The following CAST variants were observed in gnomAD, a reference collection of about 807,000 sequenced individuals.
CAST encodes the protein calpastatin, also known as MIR583 host.
CAST carries 76 observed loss-of-function variants against 119.6 expected under a neutral mutation model. That is an observed-to-expected ratio of 0.64 (90% CI 0.53 to 0.77). The LOEUF is 0.77. CAST is among the 30% of genes least tolerant of loss of function. The pLI, the probability that CAST is intolerant of heterozygous loss-of-function variation, is 0.00. For synonymous variants in CAST, 319 were observed against 331.6 expected (o/e 0.96, Z 0.41); for missense variants, 953 against 946.5 (o/e 1.01, Z -0.09).
the CAST span, among the ~76,000 whole-genome samples, chr5:96,280,911 T>A: frequency 6.6e-6 from 1 of 152,170 alleles, no homozygotes; most frequent in Non-Finnish European, 1.5e-5. Flanking sequence ...TGAAGCCAGG[T>A]GAATCTTCCT....
chr5:96,503,094 T>C, the CAST span, among the ~76,000 whole-genome samples: 1 of 152,218 alleles, frequency 6.6e-6, no homozygotes, highest in Non-Finnish European at 1.5e-5. Context: ...ATGGAAGGCC[T>C]GCTCCTTGTC....
At chr5:96,180,244 G>A in the CAST span, among the ~76,000 whole-genome samples, 1 of 152,170 alleles carries the variant, frequency 6.6e-6, no homozygotes, top group Admixed American at 6.5e-5. Flanking sequence ...TAACAAATTA[G>A]CCCCTTTGAC....
In CAST at chr5:96,702,720, C is replaced by G. The variant is rs184977514; in HGVS notation, c.210+6813C>G. On this transcript the variant is annotated intron_variant, in intron 3 of 31. Coordinates refer to ENST00000675179, the MANE Select transcript of CAST (RefSeq NM_001750.7). ...AGCGGGACCTCCCTCCCCACGCATC[C>G]CGGGCTCCCGGGGCGGGGCCGCCGG... 4.1e-4 allele frequency: 401 copies of G among 969,248 alleles called. 3 individuals carry two copies. In the Middle Eastern group the frequency reaches 9.0e-3, roughly 22 times the overall value. The allele number at this position is 969,248 out of a possible 1,614,324, so 60.0% of individuals were successfully genotyped here.
At chr5:96,521,600 T>C (rs1215608080), upstream of CAST, among the ~76,000 whole-genome samples, 1 of 152,226 alleles carries the variant, frequency 6.6e-6, no homozygotes, top group Non-Finnish European at 1.5e-5. Context: ...TAGATTCATT[T>C]ATCACATGAT....
At chr5:96,531,598 C>T (rs1305330553) in intron 1 of CAST, among the ~76,000 whole-genome samples, 2 of 151,964 alleles carry the variant, frequency 1.3e-5, no homozygotes, top group Non-Finnish European at 2.9e-5. Context: ...GTGTCTCATT[C>T]CTAAAGATAA....
chr5:96,186,280 A>G, the CAST span, among the ~76,000 whole-genome samples: 2 of 152,202 alleles, frequency 1.3e-5, no homozygotes, highest in Admixed American at 6.5e-5. Context: ...ATATAGGATC[A>G]TGTCATCTGC....
chr5:96,482,291 A>G, the CAST span, among the ~76,000 whole-genome samples: 1 of 151,942 alleles, frequency 6.6e-6, no homozygotes, highest in Admixed American at 6.6e-5. Context: ...AGGTTAGTAC[A>G]TGGTTAGTTG....
the CAST span, among the ~76,000 whole-genome samples, chr5:95,999,575 T>A: frequency 6.6e-6 from 1 of 152,042 alleles, no homozygotes. Context: ...AACTCCTGAT[T>A]TCAAGCGATT....
intron 24 of CAST, chr5:96,761,939 C>T (rs1391556039): frequency 5.7e-6 from 1 of 174,040 alleles, no homozygotes; most frequent in Non-Finnish European, 1.2e-5. Context: ...CTCACTAGAA[C>T]TTATTCAGAG....
intron 1 of CAST, among the ~76,000 whole-genome samples, chr5:96,594,306 T>C (rs1308168378): frequency 6.6e-6 from 1 of 152,250 alleles, no homozygotes; most frequent in East Asian, 1.9e-4. Context: ...ATAGCTCCTT[T>C]GCTTGCAGTT....
intron 1 of CAST, among the ~76,000 whole-genome samples, chr5:96,574,020 C>A (rs1746620728): frequency 3.6e-5 from 1 of 27,932 alleles, no homozygotes; most frequent in Non-Finnish European, 5.4e-5. Flanking sequence ...CACATTTGCC[C>A]ACTTTCTTTT....
the CAST span, among the ~76,000 whole-genome samples, chr5:96,314,850 C>T: frequency 6.6e-6 from 1 of 152,200 alleles, no homozygotes; most frequent in Non-Finnish European, 1.5e-5. Flanking sequence ...AGTACACACT[C>T]AATAAATACT....
chr5:96,183,388 A>C, the CAST span, among the ~76,000 whole-genome samples: 3 of 151,950 alleles, frequency 2.0e-5, no homozygotes, highest in Admixed American at 6.6e-5. Flanking sequence ...AAATAATGTC[A>C]TAATTAAAAT....
the CAST span, among the ~76,000 whole-genome samples, chr5:96,170,382 T>C: frequency 0.2 from 30,482 of 152,148 alleles, 5,157 homozygotes; most frequent in African/African-American, 0.46. Flanking sequence ...CTGGCAGCTG[T>C]GGTTCAGGCG....
the CAST span, among the ~76,000 whole-genome samples, chr5:96,260,983 C>A: frequency 1.3e-5 from 2 of 152,156 alleles, no homozygotes; most frequent in South Asian, 2.1e-4. Context: ...ACTAATGGAA[C>A]CTGCTCATCC....
intron 3 of CAST, among the ~76,000 whole-genome samples, chr5:96,719,229 C>T (rs1467110332): frequency 1.3e-5 from 2 of 152,184 alleles, no homozygotes; most frequent in East Asian, 1.9e-4. Context: ...TCAGAACCCT[C>T]CCTACTCCCA....
chr5:96,500,533 G>T, the CAST span, among the ~76,000 whole-genome samples: 1 of 152,102 alleles, frequency 6.6e-6, no homozygotes. Context: ...CCACCTTTCT[G>T]CTCTTCACCA....
chr5:96,528,391 G>A (rs1450939154), upstream of CAST, among the ~76,000 whole-genome samples: 2 of 152,106 alleles, frequency 1.3e-5, no homozygotes, highest in East Asian at 3.9e-4. Flanking sequence ...ACCTCTCCAG[G>A]CAACCATTGG....
At chr5:96,506,721 A>G in the CAST span, among the ~76,000 whole-genome samples, 2 of 152,116 alleles carry the variant, frequency 1.3e-5, no homozygotes, top group African/African-American at 4.8e-5. Context: ...GAAAGTCTCT[A>G]CTGAAGGACC....
Sources: allele counts gnomAD v4.1 joint callset (sites outside exome capture counted in the v4.1 genomes callset), GRCh38; gene constraint gnomAD v4.1.1; transcripts MANE v1.5; gene names NCBI Gene and HGNC (gene_info 2026-07-23, HGNC 2026-07-21).